ADAMTS9: variants seen among roughly 807,000 people sequenced by gnomAD.
The protein encoded by ADAMTS9 is A disintegrin and metalloproteinase with thrombospondin motifs 9.
A neutral mutation model predicts 257.1 loss-of-function variants in ADAMTS9; 107 were observed. That is an observed-to-expected ratio of 0.42 (90% CI 0.36 to 0.49). ADAMTS9 has a LOEUF of 0.49. Ranked by LOEUF, ADAMTS9 falls within the 20% of genes least tolerant of loss-of-function variation. ADAMTS9 has a pLI of 0.03. For synonymous variants in ADAMTS9, 982 were observed against 880.9 expected (o/e 1.11, Z -2.03); for missense variants, 2,353 against 2,469.1 (o/e 0.95, Z 1.00).
intron 32 of ADAMTS9, among the ~76,000 whole-genome samples, chr3:64,546,381 C>G (rs1269794680): frequency 6.6e-6 from 1 of 152,084 alleles, no homozygotes; most frequent in African/African-American, 2.4e-5. Context: ...GATTTTATAG[C>G]ATTTTGGATT....
chr3:64,633,329 T>C, intron 14 of ADAMTS9, 143 bp downstream of exon 14: 1 of 1,258,572 alleles, frequency 7.9e-7, no homozygotes, highest in Non-Finnish European at 1.1e-6. Context: ...TTGATGCTGT[T>C]GCTGATCCCG....
At position 64,681,288 on chromosome 3, in the gene ADAMTS9, C is replaced by G. The variant is rs1701748370; in HGVS notation, c.592G>C (p.Glu198Gln). The change falls in exon 3 of 40, where the codon GAG (glutamate) becomes CAG (glutamine). Residue 198 changes from glutamate to glutamine, a missense_variant. Physicochemically the swap from Glu to Gln is conservative, Grantham distance 29. Around this residue, in one of 3 missense-constraint regions of ADAMTS9, gnomAD observed 591 missense variants for 569.6 expected, o/e 1.04. Transcript: ENST00000498707. ...ATGATGTGGGGTTTGTTTTGTTCCT[C>G]TTCATCTTCTTGTTCATCCATAGAC... ...LQSMDEQEDE[E>Q]EQNKPHIIYR... 6.2e-7 allele frequency: 1 copy of G among 1,614,002 alleles called. No individual in the cohort carries two copies. The highest frequency in any genetic ancestry group is 8.5e-7 in the Non-Finnish European group (1 of 1,179,946).
At chr3:64,679,502 A>C (rs946640865) in intron 3 of ADAMTS9, among the ~76,000 whole-genome samples, 1 of 152,352 alleles carries the variant, frequency 6.6e-6, no homozygotes, top group East Asian at 1.9e-4. Flanking sequence ...GTACATGTAC[A>C]GTGCTTTGCA....
At position 64,538,919 on chromosome 3, in the gene ADAMTS9, A is replaced by C. The variant is rs2083086118; in HGVS notation, c.5613+284T>G. On this transcript the variant is annotated intron_variant, in intron 37 of 39. Transcript: ENST00000498707. Reference sequence around the variant, plus strand: ...TTTATTTACCACCATAATTTGTTTAACCAAGCCCTCGCTAACCGACATCTA... The same window carrying C: ...TTTATTTACCACCATAATTTGTTTACCCAAGCCCTCGCTAACCGACATCTA... 1.1e-4 allele frequency among the ~76,000 whole-genome samples: 17 copies of C among 152,288 alleles called. No individual in the cohort carries two copies. In the South Asian group the frequency reaches 3.3e-3, roughly 30 times the overall value.
At chr3:64,545,822 T>G (rs574651584) in intron 32 of ADAMTS9, among the ~76,000 whole-genome samples, 1 of 152,322 alleles carries the variant, frequency 6.6e-6, no homozygotes, top group South Asian at 2.1e-4. Context: ...GGTCTCGATC[T>G]GCTGACCTCA....
At chr3:64,563,164 C>T (rs147442209) in intron 29 of ADAMTS9, 2 of 152,116 alleles carry the variant, frequency 1.3e-5, no homozygotes, top group East Asian at 3.9e-4. Context: ...AAGTGATGAC[C>T]CTATCTATAG....
chr3:64,624,938 C>A lies in ADAMTS9; in HGVS notation c.2390-2352G>T, dbSNP rs879927803. On this transcript the variant is annotated intron_variant, in intron 16 of 39. Coordinates refer to ENST00000498707, the MANE Select transcript of ADAMTS9 (RefSeq NM_182920.2). ...TGAATAAGTCCTCTTGAGTGTTGGG[C>A]TTGACATGAAGCAGGTATTTAATAA... Among the ~76,000 whole-genome samples, 56 of 152,194 alleles carry A rather than the reference C, an allele frequency of 3.7e-4. No individual in the cohort carries two copies. The Middle Eastern group carries it at 0.01, about 28-fold the overall frequency.
At position 64,658,226 on chromosome 3, in the gene ADAMTS9, T is replaced by C. The variant is rs183794307; in HGVS notation, c.969+276A>G. On this transcript the variant is annotated intron_variant, in intron 4 of 39. Transcript: ENST00000498707. ...TTTCTTATCTATAAAATGGGCATGATTGATAATCTCACCTGGCAGCGTTGC... is the reference window on the plus strand; with the variant it reads ...TTTCTTATCTATAAAATGGGCATGACTGATAATCTCACCTGGCAGCGTTGC... 5.8e-4 allele frequency among the ~76,000 whole-genome samples: 89 copies of C among 152,342 alleles called. 1 individual carries two copies. The East Asian group carries it at 0.017, about 29-fold the overall frequency.
At chr3:64,522,085 G>GTAAC in intron 39 of ADAMTS9, 81 bp downstream of exon 39, 1 of 1,220,504 alleles carries the variant, frequency 8.2e-7, no homozygotes, top group South Asian at 1.3e-5. Context: ...AACCCTGCCT[G>GTAAC]ATCCTCCCAC....
At chr3:64,655,976 G>T in intron 4 of ADAMTS9, 101 bp from the exon 5 acceptor site, 1 of 648,322 alleles carries the variant, frequency 1.5e-6, no homozygotes, top group Non-Finnish European at 2.6e-6. Context: ...TACGTTTCTT[G>T]CAACATATGC....
chr3:64,649,492 T>C, intron 10 of ADAMTS9, 145 bp downstream of exon 10: 4 of 926,762 alleles, frequency 4.3e-6, no homozygotes, highest in Non-Finnish European at 6.2e-6. Flanking sequence ...GTCATCCTCA[T>C]AATTATTATG....
intron 3 of ADAMTS9, among the ~76,000 whole-genome samples, chr3:64,672,340 G>A (rs191235367): frequency 7.9e-5 from 12 of 152,330 alleles, no homozygotes; most frequent in Admixed American, 5.9e-4. Flanking sequence ...CACAGAAGGT[G>A]TAAAGCAGGC....
rs1161034043 is a variant in ADAMTS9, at chr3:64,522,151, CATAGGACTA to C, written c.*5+6_*5+14del. 4 of 1,607,732 alleles carry C rather than the reference CATAGGACTA, an allele frequency of 2.5e-6. No individual in the cohort carries two copies. The highest frequency in any genetic ancestry group is 2.7e-5 in the African/African-American group (2 of 74,762). ...AAAGACAAATACACAGACAGACAGA[CATAGGACTA>C]CTTACCTTAGCTATAAAACTCGCAC... is the stretch of plus-strand genomic sequence containing the variant. On this transcript the variant is annotated splice_donor_region_variant and intron_variant, in intron 39 of 39. Transcript: ENST00000498707.
chr3:64,600,237 T>A (rs577448927), intron 26 of ADAMTS9, among the ~76,000 whole-genome samples: 1 of 152,276 alleles, frequency 6.6e-6, no homozygotes, highest in Admixed American at 6.5e-5. Context: ...CCATGTACAG[T>A]TTGTGTACCA....
chr3:64,543,417 C>A (rs2083154067), intron 32 of ADAMTS9, among the ~76,000 whole-genome samples: 2 of 152,178 alleles, frequency 1.3e-5, no homozygotes, highest in African/African-American at 4.8e-5. Context: ...AGCTTATCCA[C>A]CATGATCAAG....
At chr3:64,586,932 T>A (rs1427894439) in intron 28 of ADAMTS9, 1 of 152,186 alleles carries the variant, frequency 6.6e-6, no homozygotes, top group African/African-American at 2.4e-5. Context: ...TTCAAGCTTC[T>A]ACAAGGTGGC....
chr3:64,576,487 C>A (rs1445628597), intron 28 of ADAMTS9, among the ~76,000 whole-genome samples: 1 of 152,170 alleles, frequency 6.6e-6, no homozygotes, highest in Admixed American at 6.5e-5. Context: ...GTGGCAGCGA[C>A]AACCAAAATA....
intron 6 of ADAMTS9, among the ~76,000 whole-genome samples, chr3:64,655,036 G>C (rs1019893302): frequency 4.6e-5 from 7 of 152,164 alleles, no homozygotes; most frequent in Non-Finnish European, 8.8e-5. Context: ...GCCAGCACGC[G>C]TCTTTGTTGC....
intron 31 of ADAMTS9, chr3:64,550,026 G>C (rs1417696994): frequency 1.3e-5 from 2 of 151,676 alleles, no homozygotes; most frequent in African/African-American, 4.9e-5. Context: ...TTTACTGTGA[G>C]TCCAGATGCC....
Sources: allele counts gnomAD v4.1 joint callset (sites outside exome capture counted in the v4.1 genomes callset), GRCh38; gene constraint gnomAD v4.1.1; regional missense constraint gnomAD v4.1.1; transcripts MANE v1.5; gene names NCBI Gene and HGNC (gene_info 2026-07-23, HGNC 2026-07-21).